DAB1: variants seen among roughly 807,000 people sequenced by gnomAD.
DAB1 encodes DAB adaptor protein 1.
In DAB1, 15 loss-of-function variants were observed where a neutral mutation model predicts 64.6. The ratio of observed to expected loss-of-function variants is 0.23; its 90% confidence interval spans 0.16 to 0.36. The LOEUF (loss-of-function observed/expected upper bound fraction) is 0.36, where lower values mean the gene tolerates loss of function less well. DAB1 is among the 10% of genes least tolerant of loss of function. The pLI, the probability that DAB1 is intolerant of heterozygous loss-of-function variation, is 1.00. For synonymous variants in DAB1, 235 were observed against 251.9 expected (o/e 0.93, Z 0.64); for missense variants, 596 against 706.7 (o/e 0.84, Z 1.78).
At chr1:57,452,326 C>T (rs1455713810) in intron 7 of DAB1, among the ~76,000 whole-genome samples, 2 of 152,080 alleles carry the variant, frequency 1.3e-5, no homozygotes, top group Admixed American at 6.5e-5. Context: ...TAACAAACCT[C>T]ACAAGAGACT....
intron 4 of DAB1, among the ~76,000 whole-genome samples, chr1:57,104,667 T>G (rs1654978781): frequency 6.6e-6 from 1 of 152,156 alleles, no homozygotes. Flanking sequence ...AAGACGGGGC[T>G]GATGACAGCT....
chr1:58,103,766 C>T (rs1228959114), intron 5 of DAB1, among the ~76,000 whole-genome samples: 3 of 152,094 alleles, frequency 2.0e-5, no homozygotes, highest in Non-Finnish European at 4.4e-5. Context: ...CAAGTTTGGG[C>T]CCTGCCTCAT....
At chr1:57,203,885 G>GTTTGT (rs1036743970) in intron 2 of DAB1, among the ~76,000 whole-genome samples, 6 of 151,970 alleles carry the variant, frequency 3.9e-5, no homozygotes, top group Non-Finnish European at 7.4e-5. Context: ...AGTGTTTTTT[G>GTTTGT]TTTGTTTTGT....
intron 7 of DAB1, among the ~76,000 whole-genome samples, chr1:57,621,131 A>T (rs1034873469): frequency 7.3e-5 from 11 of 151,194 alleles, no homozygotes; most frequent in Admixed American, 6.6e-4. Flanking sequence ...ATGACCTTGA[A>T]CTTGTGTGTA....
intron 7 of DAB1, among the ~76,000 whole-genome samples, chr1:57,566,937 T>C (rs1386924667): frequency 1.3e-5 from 2 of 152,174 alleles, no homozygotes; most frequent in African/African-American, 4.8e-5. Context: ...GAGGCCAGCA[T>C]CATCCTGATA....
chr1:57,672,456 T>C (rs766274881), intron 6 of DAB1, among the ~76,000 whole-genome samples: 11 of 152,138 alleles, frequency 7.2e-5, no homozygotes, highest in Non-Finnish European at 1.0e-4. Flanking sequence ...GACTACACAA[T>C]TTAAACCCAG....
At chr1:57,037,580 G>A (rs1647213198) in intron 9 of DAB1, among the ~76,000 whole-genome samples, 1 of 152,234 alleles carries the variant, frequency 6.6e-6, no homozygotes, top group Admixed American at 6.5e-5. Context: ...CTGCACTAAG[G>A]TGGGTACTAT....
At chr1:57,936,249 G>A (rs1033461495) in intron 5 of DAB1, among the ~76,000 whole-genome samples, 7 of 152,208 alleles carry the variant, frequency 4.6e-5, no homozygotes, top group Non-Finnish European at 1.0e-4. Flanking sequence ...TGGAGCCCAG[G>A]CCTCAGCCAC....
intron 6 of DAB1, among the ~76,000 whole-genome samples, chr1:57,760,639 CACAG>C (rs149454432): frequency 6.8e-6 from 1 of 146,694 alleles, no homozygotes; most frequent in African/African-American, 2.5e-5. Context: ...CACACACACA[CACAG>C]ACACACACAC....
chr1:58,374,856 T>G (rs1644307598), intron 3 of DAB1, among the ~76,000 whole-genome samples: 1 of 137,370 alleles, frequency 7.3e-6, no homozygotes, highest in African/African-American at 2.8e-5. Flanking sequence ...TTTATTTCCT[T>G]GAGCAGTGGT....
At chr1:57,400,228 C>T (rs772166329) in intron 1 of DAB1, among the ~76,000 whole-genome samples, 5 of 152,082 alleles carry the variant, frequency 3.3e-5, no homozygotes, top group African/African-American at 4.8e-5. Context: ...AAACATACAG[C>T]GCATTCATAT....
chr1:57,224,712 C>A (rs1667127863), intron 2 of DAB1, among the ~76,000 whole-genome samples: 1 of 152,194 alleles, frequency 6.6e-6, no homozygotes, highest in African/African-American at 2.4e-5. Context: ...TTGTTCCTGG[C>A]ATAGAGCTTC....
chr1:57,238,897 C>A (rs1388013383), intron 2 of DAB1, among the ~76,000 whole-genome samples: 2 of 124,998 alleles, frequency 1.6e-5, no homozygotes, highest in South Asian at 5.9e-4. Flanking sequence ...ACACACACCC[C>A]TAACTTGAAA....
chr1:58,109,536 G>T (rs550573273), intron 5 of DAB1, among the ~76,000 whole-genome samples: 1 of 152,206 alleles, frequency 6.6e-6, no homozygotes, highest in East Asian at 1.9e-4. Context: ...TCAGCAGAAT[G>T]ACTTTGCTCT....
At chr1:58,269,350 T>A (rs1242370064) in intron 4 of DAB1, among the ~76,000 whole-genome samples, 2 of 151,208 alleles carry the variant, frequency 1.3e-5, no homozygotes, top group Admixed American at 1.3e-4. Context: ...GAACTCATCA[T>A]TTTTTATGGC....
chr1:57,185,017 T>C (rs1328326094), intron 2 of DAB1, among the ~76,000 whole-genome samples: 2 of 152,160 alleles, frequency 1.3e-5, no homozygotes, highest in African/African-American at 4.8e-5. Flanking sequence ...GAGATTGTCC[T>C]GGCATTGCAA....
chr1:57,288,317 G>A (rs1185921645), intron 2 of DAB1, among the ~76,000 whole-genome samples: 1 of 152,186 alleles, frequency 6.6e-6, no homozygotes, highest in Non-Finnish European at 1.5e-5. Flanking sequence ...GAGGATGGGG[G>A]ATGGGGGAGG....
At chr1:57,343,825 T>C (rs1809975) in intron 1 of DAB1, among the ~76,000 whole-genome samples, 77,786 of 152,218 alleles carry the variant, frequency 0.51, 20,625 homozygotes, top group Non-Finnish European at 0.56. Context: ...GAGCTGGCTC[T>C]GGCCTTGGCC....
At chr1:57,168,215 G>A (rs762189438) in intron 2 of DAB1, among the ~76,000 whole-genome samples, 61 of 152,300 alleles carry the variant, frequency 4.0e-4, no homozygotes, top group Non-Finnish European at 8.4e-4. Flanking sequence ...AAAATGAAAT[G>A]TCAGTGGTTT....
Sources: allele counts gnomAD v4.1 joint callset (sites outside exome capture counted in the v4.1 genomes callset), GRCh38; gene constraint gnomAD v4.1.1; transcripts MANE v1.5; gene names NCBI Gene and HGNC (gene_info 2026-07-23, HGNC 2026-07-21).